Variants in ACER2 observed in about 807,000 individuals in gnomAD.
ACER2 encodes alkCDase 2.
Under a neutral mutation model 34.7 loss-of-function variants are expected in ACER2, and 26 were observed. The observed-to-expected ratio is 0.75, with a 90% CI of 0.55 to 1.04. The LOEUF is 1.04. Among genes scored for constraint, ACER2 ranks in the 50% least tolerant of loss-of-function variants. The pLI is 0.00. For missense variants in ACER2, 352 were observed against 340.8 expected (o/e 1.03, Z -0.26); for synonymous variants, 138 against 132.1 (o/e 1.04, Z -0.31).
At chr9:19,445,039 G>A (rs1291205201) in intron 4 of ACER2, among the ~76,000 whole-genome samples, 1 of 152,212 alleles carries the variant, frequency 6.6e-6, no homozygotes, top group Non-Finnish European at 1.5e-5. Context: ...CAACAAAGAG[G>A]AATTAAGCTT....
At chr9:19,429,645 T>C (rs1159525198) in intron 3 of ACER2, among the ~76,000 whole-genome samples, 1 of 152,240 alleles carries the variant, frequency 6.6e-6, no homozygotes, top group Non-Finnish European at 1.5e-5. Context: ...TATCCACTTC[T>C]TAAATAATTT....
intron 4 of ACER2, among the ~76,000 whole-genome samples, chr9:19,443,846 G>A (rs923268539): frequency 4.6e-5 from 7 of 151,934 alleles, no homozygotes; most frequent in Non-Finnish European, 1.0e-4. Context: ...TGGTAGAGAC[G>A]GGATATCACC....
intron 1 of ACER2, 55 bp from the exon 2 acceptor site, chr9:19,423,807 T>C: frequency 7.3e-7 from 1 of 1,365,410 alleles, no homozygotes; most frequent in East Asian, 2.3e-5. Context: ...GCCACTTTAT[T>C]TTTTGCCCTT....
chr9:19,423,032 C>CAAA (rs764823366), intron 1 of ACER2, among the ~76,000 whole-genome samples: 9 of 68,948 alleles, frequency 1.3e-4, no homozygotes, highest in South Asian at 4.7e-4. Flanking sequence ...AACTCTGTCT[C>CAAA]AAAAAAAAAA....
At chr9:19,429,962 G>A (rs1374417066) in intron 3 of ACER2, among the ~76,000 whole-genome samples, 1 of 152,118 alleles carries the variant, frequency 6.6e-6, no homozygotes, top group Non-Finnish European at 1.5e-5. Flanking sequence ...GACATTTCCA[G>A]TTCTTATGAG....
intron 1 of ACER2, among the ~76,000 whole-genome samples, chr9:19,415,366 C>T (rs1388539925): frequency 6.6e-6 from 1 of 152,020 alleles, no homozygotes; most frequent in Admixed American, 6.6e-5. Flanking sequence ...ATGGCACTTA[C>T]CTGTAGTCCC....
At chr9:19,447,731 AAACTT>A in intron 5 of ACER2, among the ~76,000 whole-genome samples, 1 of 152,326 alleles carries the variant, frequency 6.6e-6, no homozygotes, top group Non-Finnish European at 1.5e-5. Flanking sequence ...ATTTTGACTC[AAACTT>A]AATGTGTTTC....
chr9:19,449,940 T>G (rs1831505318), intron 5 of ACER2, among the ~76,000 whole-genome samples: 2 of 151,854 alleles, frequency 1.3e-5, no homozygotes, highest in African/African-American at 4.8e-5. Flanking sequence ...TGGTCTATTG[T>G]TCGATAAAGT....
intron 3 of ACER2, among the ~76,000 whole-genome samples, chr9:19,431,099 C>T (rs1335846989): frequency 4.6e-5 from 7 of 151,888 alleles, no homozygotes. Flanking sequence ...AGCTCAGTTA[C>T]GTTTTCCCTG....
chr9:19,424,600 G>T, intron 2 of ACER2, 100 bp from the exon 3 acceptor site: 2 of 1,530,972 alleles, frequency 1.3e-6, no homozygotes, highest in Non-Finnish European at 1.7e-6. Context: ...GTGATCTGGT[G>T]ACTGTGTTAA....
intron 3 of ACER2, among the ~76,000 whole-genome samples, chr9:19,428,062 CCTTTCCTTTCCTTTCCT>C (rs1830633309): frequency 2.5e-5 from 3 of 118,788 alleles, no homozygotes; most frequent in African/African-American, 6.5e-5. Context: ...CCTTTCCTTT[CCTTTCCTTTCCTTTCCT>C]TCTCTCTCTC....
intron 1 of ACER2, among the ~76,000 whole-genome samples, chr9:19,420,211 A>T (rs1830361712): frequency 6.6e-6 from 1 of 152,178 alleles, no homozygotes; most frequent in Admixed American, 6.5e-5. Context: ...ACCATTGTGT[A>T]TTGTCCAACA....
intron 3 of ACER2, among the ~76,000 whole-genome samples, chr9:19,425,430 G>C (rs927193905): frequency 3.3e-5 from 5 of 152,188 alleles, no homozygotes; most frequent in African/African-American, 9.7e-5. Flanking sequence ...CATTGTGTTA[G>C]GGTTATACAG....
At chr9:19,412,720 A>G (rs1830121117) in intron 1 of ACER2, among the ~76,000 whole-genome samples, 1 of 151,600 alleles carries the variant, frequency 6.6e-6, no homozygotes, top group African/African-American at 2.4e-5. Context: ...TTTTTTTCCA[A>G]GATGGTACTG....
rs564864322 is a variant in ACER2 at position 19,451,729 on chromosome 9, C to G, written c.*1093C>G. On this transcript the variant is annotated 3_prime_UTR_variant, in exon 6 of 6. Transcript: ENST00000340967. ...CCTCTGTAAGTTTACCAAAGGGCTCCTCACAATTGTGGTGGGGGTTCTGGT... is the reference window on the plus strand; with the variant it reads ...CCTCTGTAAGTTTACCAAAGGGCTCGTCACAATTGTGGTGGGGGTTCTGGT... 4.9e-4 allele frequency: 75 copies of G among 152,310 alleles called. No homozygotes were observed. Among genetic ancestry groups the G allele is most frequent in the African/African-American group, 1.7e-3 (71 of 41,540 alleles). The allele number at this position is 152,310 out of a possible 1,614,324, so 9.4% of individuals were successfully genotyped here.
chr9:19,452,494 T>C lies in ACER2; in HGVS notation c.*1858T>C, dbSNP rs185257859. Among the ~76,000 whole-genome samples the C allele has an allele frequency of 6.6e-6, 1 of 152,238 alleles. No individual in the cohort carries two copies. Among genetic ancestry groups the C allele is most frequent in the Non-Finnish European group, 1.5e-5 (1 of 68,046 alleles). On this transcript the variant is annotated 3_prime_UTR_variant, in exon 6 of 6. Transcript: ENST00000340967. ...AGTAAATTGTATGTTATTAAATTTA[T>C]TTAAGGTTAAATTTATGGCATTTAC...
At chr9:19,443,865 C>T (rs1006248230) in intron 4 of ACER2, among the ~76,000 whole-genome samples, 2 of 152,072 alleles carry the variant, frequency 1.3e-5, no homozygotes, top group African/African-American at 4.8e-5. Flanking sequence ...CCACATTGGC[C>T]AGGCTGATCT....
At chr9:19,434,218 G>T (rs987778667) in intron 3 of ACER2, among the ~76,000 whole-genome samples, 1 of 151,740 alleles carries the variant, frequency 6.6e-6, no homozygotes, top group African/African-American at 2.4e-5. Context: ...ATGTGATGGC[G>T]GCCGGGAAGA....
chr9:19,445,674 A>G (rs924620765), intron 4 of ACER2, among the ~76,000 whole-genome samples: 50 of 152,206 alleles, frequency 3.3e-4, no homozygotes, highest in African/African-American at 1.2e-3. Flanking sequence ...CAAATCCTGC[A>G]GTGGCTTGAG....
Sources: gnomAD v4.1 joint callset for allele counts (sites outside exome capture counted in the v4.1 genomes callset) on GRCh38, gnomAD v4.1.1 for gene constraint, MANE v1.5 for transcripts, NCBI Gene and HGNC (gene_info 2026-07-23, HGNC 2026-07-21) for gene names.